EARS2: variants seen among roughly 807,000 people sequenced by gnomAD.
EARS2 encodes nondiscriminating glutamyl-tRNA synthetase EARS2, mitochondrial.
A neutral mutation model predicts 54.1 loss-of-function variants in EARS2; 50 were observed. That is an observed-to-expected ratio of 0.92 (90% CI 0.74 to 1.17). EARS2 has a LOEUF of 1.17. Ranked by LOEUF, EARS2 falls within the 50% of genes most tolerant of loss-of-function variation. EARS2 has a pLI of 0.00. For missense variants in EARS2, 673 were observed against 675.0 expected, an observed-to-expected ratio of 1.00 and a Z score of 0.03; for synonymous variants, 298 against 281.0, an observed-to-expected ratio of 1.06 and a Z score of -0.61.
chr16:23,533,022 T>C (rs1443367174), intron 4 of EARS2, among the ~76,000 whole-genome samples: 2 of 152,114 alleles, frequency 1.3e-5, no homozygotes, highest in Non-Finnish European at 1.5e-5. Context: ...CATGGTGGCT[T>C]ACACCTGTAA....
chr16:23,524,357 G>A lies in EARS2; in HGVS notation c.*14C>T, dbSNP rs569642012. The A allele has an allele frequency of 6.3e-5, 101 of 1,611,042 alleles. No homozygotes were observed. Among genetic ancestry groups the A allele is most frequent in the Non-Finnish European group, 8.1e-5 (95 of 1,177,186 alleles). On this transcript the variant is annotated 3_prime_UTR_variant, in exon 9 of 9. Transcript: ENST00000449606. ...GTTCTTAGGGCGATCTCCACTGCCC[G>A]AAACATCCTCTCCCTAGCTGGAAAC...
intron 2 of EARS2, 147 bp from the exon 3 acceptor site, chr16:23,544,850 T>A: frequency 1.4e-6 from 1 of 730,246 alleles, no homozygotes. Flanking sequence ...CCGCCGCCTT[T>A]TTTTTTGAGG....
At position 23,535,333 on chromosome 16, in the gene EARS2, G is replaced by C; in HGVS notation, c.513C>G (p.Ser171Arg). Residue 171 changes from serine (S) to arginine (R), a missense_variant, in exon 4 of 9, where the codon AGC becomes AGG. Ser to Arg is a moderately radical substitution (Grantham distance 110). This residue lies in a region of EARS2 where 316 missense variants were observed against 275.2 expected (regional missense o/e 1.15). Transcript: ENST00000449606. ...PRYDNRCRNM[S>R]QEQVAQKLAK... ...CCAGCTTCTGGGCCACCTGCTCCTGGCTCATGTTCCTGCACCGATTGTCAT... is the reference window on the plus strand; with the variant it reads ...CCAGCTTCTGGGCCACCTGCTCCTGCCTCATGTTCCTGCACCGATTGTCAT... 1.2e-6 allele frequency: 2 copies of C among 1,600,334 alleles called. No homozygotes were observed. Among genetic ancestry groups the C allele is most frequent in the Non-Finnish European group, 1.7e-6 (2 of 1,179,930 alleles).
chr16:23,520,833 G>A lies in EARS2; in HGVS notation c.*3538C>T, dbSNP rs1451148644. ...AGACAGAGTGTCGCTCTGTTCCCCA[G>A]GCTGGAGTACAATGGTGTGATCTTG... On this transcript the variant is annotated 3_prime_UTR_variant, in exon 9 of 9. Transcript: ENST00000449606. Among the ~76,000 whole-genome samples, 1 of 152,092 alleles carries A rather than the reference G, an allele frequency of 6.6e-6. No individual in the cohort carries two copies. The highest frequency in any genetic ancestry group is 1.5e-5 in the Non-Finnish European group (1 of 68,008).
At chr16:23,532,474 A>T (rs1965342216) in intron 5 of EARS2, 183 bp downstream of exon 5, 1 of 478,826 alleles carries the variant, frequency 2.1e-6, no homozygotes, top group East Asian at 3.1e-5. Context: ...GAACAAGGAT[A>T]TAAGATCAGT....
Position 23,524,326 on chromosome 16 carries a change from TCA to T in EARS2, c.*43_*44del. ...TGGTCTCTGAAAGCTGTTTCTAAGCTCACAGGTTCTTAGGGCGATCTCCACTG... is the reference window on the plus strand; with the variant it reads ...TGGTCTCTGAAAGCTGTTTCTAAGCTCAGGTTCTTAGGGCGATCTCCACTG... On this transcript the variant is annotated 3_prime_UTR_variant, in exon 9 of 9. Coordinates refer to ENST00000449606, the MANE Select transcript of EARS2 (RefSeq NM_001083614.2). 3 of 1,557,822 alleles carry T rather than the reference TCA, an allele frequency of 1.9e-6. No individual in the cohort carries two copies. The African/African-American group carries it at 4.1e-5, about 21-fold the overall frequency.
intron 4 of EARS2, among the ~76,000 whole-genome samples, chr16:23,533,991 G>A (rs1965369646): frequency 6.6e-6 from 1 of 151,868 alleles, no homozygotes; most frequent in South Asian, 2.1e-4. Context: ...AGGAGACGGA[G>A]GTTGCGGTGA....
chr16:23,557,374 C>T (rs903302818), upstream of EARS2: 14 of 1,536,288 alleles, frequency 9.1e-6, no homozygotes, highest in Admixed American at 1.8e-4. Context: ...TGGGCTTCTC[C>T]CTGCGTCACT....
rs1567375349 is a variant in EARS2 at position 23,521,829 on chromosome 16, TA to T, written c.*2541del. On this transcript the variant is annotated 3_prime_UTR_variant, in exon 9 of 9. Coordinates refer to ENST00000449606, the MANE Select transcript of EARS2 (RefSeq NM_001083614.2). The stretch of plus-strand genomic sequence containing the variant: ...CCAAGAAGCTCCTTTTAACCATTCT[TA>T]ATGTCTTAGAAACAGATGCTCTGAC... The T allele has an allele frequency of 1.3e-5, 6 of 456,066 alleles. No individual in the cohort carries two copies. Among genetic ancestry groups the T allele is most frequent in the Middle Eastern group, 3.3e-4 (1 of 3,070 alleles). The allele number at this position is 456,066 out of a possible 1,614,324, so 28.3% of individuals were successfully genotyped here.
At chr16:23,529,131 A>G (rs917847497) in intron 7 of EARS2, among the ~76,000 whole-genome samples, 2 of 152,224 alleles carry the variant, frequency 1.3e-5, no homozygotes, top group Admixed American at 6.5e-5. Flanking sequence ...TTTGTAATTG[A>G]AAGTTATTAC....
Position 23,532,662 on chromosome 16 carries a change from G to A in EARS2, c.1062C>T (p.Phe354=). 6.2e-7 allele frequency: 1 copy of A among 1,613,540 alleles called. No homozygotes were observed. The highest frequency in any genetic ancestry group is 8.5e-7 in the Non-Finnish European group (1 of 1,179,676). ...TCTCCATGCTCCCCACTCACCTGTT[G>A]AATTCTGGGAGCTTCTCCAGGTCCA... ...ALLDLEKLPE[F]NRLHLQRLVS... The change falls in exon 5 of 9, where the codon TTC becomes TTT. Residue 354 remains phenylalanine (F), a synonymous_variant. Transcript: ENST00000449606.
At chr16:23,555,857 T>G (rs1381302835) in intron 1 of EARS2, among the ~76,000 whole-genome samples, 1 of 152,236 alleles carries the variant, frequency 6.6e-6, no homozygotes, top group Non-Finnish European at 1.5e-5. Context: ...ATTTTTGTAT[T>G]TTAGTAGAGA....
chr16:23,529,482 C>G lies in EARS2; in HGVS notation c.1352+20G>C. On this transcript the variant is annotated intron_variant, in intron 7 of 8. Transcript: ENST00000449606. ...GGGAAGGAGGGTGTGGAACCCTGAG[C>G]TCAGCCTGCGGGTACTCACCCCAGC... 6.2e-7 allele frequency: 1 copy of G among 1,610,164 alleles called. No homozygotes were observed. The highest frequency in any genetic ancestry group is 1.1e-5 in the South Asian group (1 of 90,600).
rs1401067803 is a variant in EARS2 at position 23,523,621 on chromosome 16, G to A, written c.*750C>T. The A allele has an allele frequency of 2.0e-5, 3 of 152,364 alleles. No individual in the cohort carries two copies. The highest frequency in any genetic ancestry group is 1.9e-4 in the East Asian group (1 of 5,194). The allele number at this position is 152,364 out of a possible 1,614,324, so 9.4% of individuals were successfully genotyped here. A position where few individuals can be genotyped will look rare whatever the true frequency, so the allele number is the denominator to read the frequency against. On this transcript the variant is annotated 3_prime_UTR_variant, in exon 9 of 9. Transcript: ENST00000449606. ...TTGCTGCTCTGAGTCCTTGGGGCCT[G>A]AGAACTGGGACCCATGAGTCCTGCT...
At chr16:23,535,410 A>G in intron 3 of EARS2, 50 bp from the exon 4 acceptor site, 1 of 1,534,840 alleles carries the variant, frequency 6.5e-7, no homozygotes, top group South Asian at 1.2e-5. Flanking sequence ...AGGTTGATGG[A>G]CAGGAGTCCT....
At chr16:23,552,089 G>C (rs1323424764) in intron 2 of EARS2, 60 bp downstream of exon 2, 7 of 1,577,786 alleles carry the variant, frequency 4.4e-6, no homozygotes, top group South Asian at 2.3e-5. Context: ...AGACCCACAG[G>C]CTCCTTTTCC....
intron 2 of EARS2, among the ~76,000 whole-genome samples, chr16:23,551,946 G>A (rs1965702864): frequency 6.6e-6 from 1 of 152,066 alleles, no homozygotes; most frequent in Non-Finnish European, 1.5e-5. Context: ...TAAAAATAAA[G>A]AAACCAGTCT....
intron 3 of EARS2, among the ~76,000 whole-genome samples, chr16:23,539,182 G>A (rs563644225): frequency 6.6e-6 from 1 of 152,014 alleles, no homozygotes; most frequent in Non-Finnish European, 1.5e-5. Context: ...TCACCACGTT[G>A]CCCAGGCTGC....
At chr16:23,543,262 G>T (rs1212266636) in intron 3 of EARS2, among the ~76,000 whole-genome samples, 1 of 150,700 alleles carries the variant, frequency 6.6e-6, no homozygotes, top group Non-Finnish European at 1.5e-5. Flanking sequence ...TTTATGAAAA[G>T]TTTAAAAAAA....
Sources: allele counts gnomAD v4.1 joint callset (sites outside exome capture counted in the v4.1 genomes callset), GRCh38; gene constraint gnomAD v4.1.1; regional missense constraint gnomAD v4.1.1; transcripts MANE v1.5; gene names NCBI Gene and HGNC (gene_info 2026-07-23, HGNC 2026-07-21).